The following SLC6A4 variants were observed in gnomAD, a reference collection of about 807,000 sequenced individuals.
SLC6A4 encodes solute carrier family 6 member 4.
Under a neutral mutation model 73.4 loss-of-function variants are expected in SLC6A4, and 22 were observed. The ratio of observed to expected loss-of-function variants is 0.30; its 90% confidence interval spans 0.21 to 0.43. The LOEUF (loss-of-function observed/expected upper bound fraction) is 0.43. Ranked by LOEUF, SLC6A4 falls within the 20% of genes least tolerant of loss-of-function variation. The pLI, the probability that SLC6A4 is intolerant of heterozygous loss-of-function variation, is 1.00. For synonymous variants in SLC6A4, 270 were observed against 315.5 expected (o/e 0.86, Z 1.53); for missense variants, 593 against 808.5 (o/e 0.73, Z 3.23).
chr17:30,205,194 A>G (rs553213771), intron 13 of SLC6A4, among the ~76,000 whole-genome samples: 65 of 152,292 alleles, frequency 4.3e-4, no homozygotes, highest in African/African-American at 1.4e-3. Context: ...TTTAAAAAAT[A>G]TTGTGTGAAA....
At position 30,197,297 on chromosome 17, in the gene SLC6A4, G is replaced by A. The variant is rs1282235290; in HGVS notation, c.*1159C>T. ...ACAATCGTGACCGCCAGCGAGCGGC[G>A]AGGTCCACGTAAGGCTAACCCAGAC... On this transcript the variant is annotated 3_prime_UTR_variant, in exon 15 of 15. Transcript: ENST00000650711. 2 of 152,346 alleles carry A rather than the reference G, an allele frequency of 1.3e-5. No homozygotes were observed. Among genetic ancestry groups the A allele is most frequent in the African/African-American group, 2.4e-5 (1 of 41,434 alleles). The allele number at this position is 152,346 out of a possible 1,614,324, so 9.4% of individuals were successfully genotyped here. A position where few individuals can be genotyped will look rare whatever the true frequency, so the allele number is the denominator to read the frequency against.
chr17:30,230,028 A>G (rs1375856345), intron 1 of SLC6A4, among the ~76,000 whole-genome samples: 1 of 149,764 alleles, frequency 6.7e-6, no homozygotes, highest in African/African-American at 2.5e-5. Context: ...TCAAAAAAGA[A>G]GAAGAAGAAA....
intron 1 of SLC6A4, among the ~76,000 whole-genome samples, chr17:30,225,705 G>A (rs917721192): frequency 6.6e-5 from 10 of 152,134 alleles, no homozygotes; most frequent in African/African-American, 2.4e-4. Context: ...GCTGAGGGTG[G>A]TGCCGTGGAC....
chr17:30,206,908 G>T (rs1199515258), intron 13 of SLC6A4, among the ~76,000 whole-genome samples: 2 of 151,742 alleles, frequency 1.3e-5, no homozygotes, highest in African/African-American at 4.8e-5. Flanking sequence ...GTTTCACCAT[G>T]TTGGCCAGGC....
intron 12 of SLC6A4, among the ~76,000 whole-genome samples, 162 bp downstream of exon 12, chr17:30,208,981 C>T (rs1252655652): frequency 6.6e-6 from 1 of 151,912 alleles, no homozygotes; most frequent in African/African-American, 2.4e-5. Context: ...GGATTACAGG[C>T]GTGAGCCACC....
chr17:30,209,347 C>T (rs574702369), intron 11 of SLC6A4, 105 bp from the exon 12 acceptor site: 1 of 730,566 alleles, frequency 1.4e-6, no homozygotes, highest in East Asian at 2.7e-5. Context: ...CTGGAAAAAT[C>T]CCACCTGGGA....
At chr17:30,202,605 A>G (rs1906073023) in intron 14 of SLC6A4, among the ~76,000 whole-genome samples, 1 of 152,202 alleles carries the variant, frequency 6.6e-6, no homozygotes, top group African/African-American at 2.4e-5. Context: ...TCTACAGCGC[A>G]TTCATTACCG....
rs560863416 is a variant in SLC6A4, at chr17:30,203,342, A to G, written c.1651-3T>C. ...ATCAGAAAACTGCAAATGATGAACT[A>G]AAACAGAAATTCCAAGAAACATTAA... On this transcript the variant is annotated splice_region_variant and splice_polypyrimidine_tract_variant and intron_variant, in intron 13 of 14. Transcript: ENST00000650711. 61 of 1,611,808 alleles carry G rather than the reference A, an allele frequency of 3.8e-5. 1 individual carries two copies. In the South Asian group the frequency reaches 6.4e-4, roughly 17 times the overall value.
At position 30,196,644 on chromosome 17, in the gene SLC6A4, A is replaced by G. The variant is rs1244021291; in HGVS notation, c.*1812T>C. 1.3e-5 allele frequency: 2 copies of G among 152,372 alleles called. No individual in the cohort carries two copies. Among genetic ancestry groups the G allele is most frequent in the Non-Finnish European group, 2.9e-5 (2 of 68,048 alleles). 9.4% of individuals were successfully genotyped at this position (152,372 alleles called of 1,614,324 possible). A position where few individuals can be genotyped will look rare whatever the true frequency, so the allele number is the denominator to read the frequency against. ...TTTACCACTGAACACGCTGGCATTT[A>G]GATCACTTCCTTCTTTCAGCATGCT... On this transcript the variant is annotated 3_prime_UTR_variant, in exon 15 of 15. Transcript: ENST00000650711.
chr17:30,211,331 G>C lies in SLC6A4; in HGVS notation c.1298C>G (p.Thr433Arg). The part of the protein sequence containing the change: ...FAIIFFLMLI[T>R]LGLDSTFAGL... ...CCTCACCGTGCTGTCCAAGCCCAGC[G>C]TGATTAACATCAGAAAGAAGATGAT... Residue 433 changes from threonine to arginine, a missense_variant, in exon 10 of 15, where the codon ACG becomes AGG. Coordinates refer to ENST00000650711, the MANE Select transcript of SLC6A4 (RefSeq NM_001045.6). This position sits in a 1 kb window ranked among gnomAD's most constrained non-coding sequence, Gnocchi z 4.0. The C allele has an allele frequency of 6.2e-7, 1 of 1,609,794 alleles. No individual in the cohort carries two copies. The highest frequency in any genetic ancestry group is 8.5e-7 in the Non-Finnish European group (1 of 1,176,446).
chr17:30,235,104 G>A lies in SLC6A4; in HGVS notation c.-221+509C>T, dbSNP rs1907228878. Among the ~76,000 whole-genome samples the A allele has an allele frequency of 6.6e-6, 1 of 152,082 alleles. No homozygotes were observed. The highest frequency in any genetic ancestry group is 1.5e-5 in the Non-Finnish European group (1 of 68,028). ...TGACAGTGAAACCACCCAAGCGCAC[G>A]GAGACTCGGCCCACTTAGGCGCCAC... On this transcript the variant is annotated intron_variant, in intron 1 of 14. Coordinates refer to ENST00000650711, the MANE Select transcript of SLC6A4 (RefSeq NM_001045.6). This position sits in a 1 kb window ranked among gnomAD's most constrained non-coding sequence, Gnocchi z 4.5.
At chr17:30,230,033 A>G (rs1907037456) in intron 1 of SLC6A4, among the ~76,000 whole-genome samples, 1 of 146,944 alleles carries the variant, frequency 6.8e-6, no homozygotes, top group Non-Finnish European at 1.5e-5. Context: ...AAAGAAGAAG[A>G]AGAAAAAGAA....
Position 30,198,434 on chromosome 17 carries a change from CT to C in SLC6A4, c.*21del. Reference sequence around the variant, plus strand: ...CTGGAGGAGGAGGTTGTGGAGAAGCCTTTTTCCTCTCGGTGAGTGTGTTACA... The same window carrying C: ...CTGGAGGAGGAGGTTGTGGAGAAGCCTTTTCCTCTCGGTGAGTGTGTTACA... On this transcript the variant is annotated 3_prime_UTR_variant, in exon 15 of 15. Coordinates refer to ENST00000650711, the MANE Select transcript of SLC6A4 (RefSeq NM_001045.6). The C allele has an allele frequency of 1.5e-5, 22 of 1,487,592 alleles. No homozygotes were observed. Among genetic ancestry groups the C allele is most frequent in the South Asian group, 4.6e-5 (4 of 86,128 alleles). 92.1% of individuals were successfully genotyped at this position (1,487,592 alleles called of 1,614,324 possible). A position where few individuals can be genotyped will look rare whatever the true frequency, so the allele number is the denominator to read the frequency against.
intron 2 of SLC6A4, among the ~76,000 whole-genome samples, chr17:30,222,593 T>A (rs957562181): frequency 3.5e-4 from 54 of 152,236 alleles, no homozygotes; most frequent in Admixed American, 4.6e-4. Context: ...ACTACAGCTA[T>A]GATTTTAAAA....
intron 9 of SLC6A4, among the ~76,000 whole-genome samples, chr17:30,212,522 G>A (rs1321279758): frequency 1.3e-5 from 2 of 152,168 alleles, no homozygotes; most frequent in Non-Finnish European, 2.9e-5. Context: ...GAGTAGCTGG[G>A]ACTATAGGTG....
intron 14 of SLC6A4, among the ~76,000 whole-genome samples, chr17:30,200,899 G>C (rs1258402530): frequency 2.6e-5 from 4 of 151,766 alleles, no homozygotes; most frequent in Non-Finnish European, 5.9e-5. Flanking sequence ...TCCATGCCTC[G>C]GCCTCCTGAG....
intron 1 of SLC6A4, among the ~76,000 whole-genome samples, chr17:30,227,969 A>G (rs1906980820): frequency 1.3e-5 from 2 of 152,266 alleles, no homozygotes; most frequent in South Asian, 4.1e-4. Context: ...GATGGGGTCA[A>G]GGTCCCCCTG....
intron 1 of SLC6A4, among the ~76,000 whole-genome samples, chr17:30,229,973 C>A (rs557624518): frequency 6.6e-6 from 1 of 151,080 alleles, no homozygotes; most frequent in Non-Finnish European, 1.5e-5. Flanking sequence ...GAGCTGAGAT[C>A]GGGCCATTGC....
intron 4 of SLC6A4, 62 bp downstream of exon 4, chr17:30,218,735 C>A: frequency 6.3e-7 from 1 of 1,579,082 alleles, no homozygotes; most frequent in Non-Finnish European, 8.7e-7. Context: ...AGCTCCCACC[C>A]ACTGATGGAA....
Sources: allele counts gnomAD v4.1 joint callset (sites outside exome capture counted in the v4.1 genomes callset), GRCh38; gene constraint gnomAD v4.1.1; non-coding constraint Gnocchi (gnomAD v3.1); transcripts MANE v1.5; gene names NCBI Gene and HGNC (gene_info 2026-07-23, HGNC 2026-07-21).